RASL12: variants seen among roughly 807,000 people sequenced by gnomAD.
RASL12 encodes the protein ras-like protein family member 12.
RASL12 carries 16 observed loss-of-function variants against 22.9 expected under a neutral mutation model. The observed-to-expected ratio is 0.70, with a 90% CI of 0.47 to 1.06. RASL12 has a LOEUF of 1.06. RASL12 is among the 50% of genes least tolerant of loss of function. The pLI is 0.00. For synonymous variants in RASL12, 159 were observed against 152.2 expected, an observed-to-expected ratio of 1.04 and a Z score of -0.33; for missense variants, 306 against 353.1, an observed-to-expected ratio of 0.87 and a Z score of 1.07.
intron 2 of RASL12, among the ~76,000 whole-genome samples, chr15:65,064,986 CCTCT>C (rs879676499): frequency 2.0e-5 from 3 of 152,144 alleles, no homozygotes; most frequent in Non-Finnish European, 2.9e-5. Flanking sequence ...GGTAAATCAG[CCTCT>C]CTTAGTTCTG....
In RASL12 at chr15:65,053,519, T is replaced by C; in HGVS notation, c.*1380A>G. ...CCTGTAGGACTGCAAGCATGTGGTC[T>C]TGAGTAGTTCACAGCCCCCCTCTGA... On this transcript the variant is annotated 3_prime_UTR_variant, in exon 5 of 5. Transcript: ENST00000220062. 2 of 1,060,036 alleles carry C rather than the reference T, an allele frequency of 1.9e-6. No individual in the cohort carries two copies. Among genetic ancestry groups the C allele is most frequent in the Non-Finnish European group, 2.3e-6 (2 of 877,248 alleles). 65.7% of individuals were successfully genotyped at this position (1,060,036 alleles called of 1,614,324 possible). A position where few individuals can be genotyped will look rare whatever the true frequency, so the allele number is the denominator to read the frequency against.
downstream of RASL12, chr15:65,052,815 T>C (rs1239774254): frequency 1.5e-6 from 1 of 662,724 alleles, no homozygotes; most frequent in African/African-American, 1.8e-5. Context: ...ATTTCTCTGT[T>C]GAAGGAATAT....
At chr15:65,058,289 A>C (rs1176883805) in intron 4 of RASL12, 138 bp downstream of exon 4, 2 of 681,060 alleles carry the variant, frequency 2.9e-6, no homozygotes, top group African/African-American at 1.9e-5. Context: ...CACACACACA[A>C]ACAAACATAT....
chr15:65,071,481 GC>G (rs1421732737), upstream of RASL12, among the ~76,000 whole-genome samples: 1 of 152,152 alleles, frequency 6.6e-6, no homozygotes, highest in Admixed American at 6.5e-5. Flanking sequence ...GGCCTTGGGG[GC>G]GGGACCAAAG....
chr15:65,062,902 C>T (rs1431949734), intron 2 of RASL12, among the ~76,000 whole-genome samples: 1 of 152,230 alleles, frequency 6.6e-6, no homozygotes, highest in Non-Finnish European at 1.5e-5. Flanking sequence ...TGGCACTGGC[C>T]TCCCAGAGAG....
chr15:65,059,528 G>A lies in RASL12; in HGVS notation c.161-110C>T. ...CTGGGGGGACCTTAGCAGCTGCTCT[G>A]GGGCTGGGACCACTGGAAAGTCCTT... On this transcript the variant is annotated intron_variant, in intron 2 of 4. Transcript: ENST00000220062. 9 of 811,446 alleles carry A rather than the reference G, an allele frequency of 1.1e-5. No homozygotes were observed. In the South Asian group the frequency reaches 1.3e-4, roughly 12 times the overall value. 50.3% of individuals were successfully genotyped at this position (811,446 alleles called of 1,614,324 possible).
downstream of RASL12, among the ~76,000 whole-genome samples, chr15:65,052,356 G>C (rs1009852119): frequency 6.6e-6 from 1 of 150,706 alleles, no homozygotes; most frequent in Non-Finnish European, 1.5e-5. Context: ...GGATTCAAGA[G>C]TCAGGAGGCT....
At chr15:65,060,705 T>C (rs1018032028) in intron 2 of RASL12, among the ~76,000 whole-genome samples, 26 of 152,334 alleles carry the variant, frequency 1.7e-4, no homozygotes, top group African/African-American at 5.8e-4. Context: ...AGTCACCTTT[T>C]GGCAGAACTG....
At chr15:65,045,926 G>C in the RASL12 span, among the ~76,000 whole-genome samples, 1 of 152,224 alleles carries the variant, frequency 6.6e-6, no homozygotes. Flanking sequence ...AGCACTTTTG[G>C]AGGCCGAGGC....
downstream of RASL12, chr15:65,051,625 G>A (rs1252837086): frequency 6.2e-7 from 1 of 1,610,654 alleles, no homozygotes; most frequent in Non-Finnish European, 8.5e-7. Flanking sequence ...TGGTCCTGGG[G>A]GGATGGGGTG....
At chr15:65,068,998 G>T (rs139923206), upstream of RASL12, among the ~76,000 whole-genome samples, 1 of 152,176 alleles carries the variant, frequency 6.6e-6, no homozygotes, top group Non-Finnish European at 1.5e-5. The surrounding 1 kb of genome is among the most constrained non-coding windows in gnomAD (Gnocchi z 4.2). Context: ...TCTGGAGTAC[G>T]CTCCAGGTTA....
chr15:65,052,885 G>T (rs768132734), downstream of RASL12: 14 of 1,336,734 alleles, frequency 1.0e-5, no homozygotes, highest in East Asian at 2.3e-5. Context: ...TTTCCCCTTA[G>T]ACTCTTTAAG....
chr15:65,070,935 G>C (rs137920098), upstream of RASL12, among the ~76,000 whole-genome samples: 2 of 152,172 alleles, frequency 1.3e-5, no homozygotes, highest in African/African-American at 2.4e-5. Context: ...GGTGGCACCA[G>C]CATCAGAGCC....
chr15:65,053,432 TAC>T lies in RASL12; in HGVS notation c.*1465_*1466del. ...CAGATGGCAGTGGTACACACACACATACACACACAAGTGGCCTGGAGCAAAAG... is the reference window on the plus strand; with the variant it reads ...CAGATGGCAGTGGTACACACACACATACACACAAGTGGCCTGGAGCAAAAG... On this transcript the variant is annotated 3_prime_UTR_variant, in exon 5 of 5. Coordinates refer to ENST00000220062, the MANE Select transcript of RASL12 (RefSeq NM_016563.4). 1 of 1,250,918 alleles carries T rather than the reference TAC, an allele frequency of 8.0e-7. No individual in the cohort carries two copies. Among genetic ancestry groups the T allele is most frequent in the South Asian group, 1.9e-5 (1 of 52,370 alleles). The allele number at this position is 1,250,918 out of a possible 1,614,324, so 77.5% of individuals were successfully genotyped here. A position where few individuals can be genotyped will look rare whatever the true frequency, so the allele number is the denominator to read the frequency against.
In RASL12 at chr15:65,054,271, C is replaced by A. The variant is rs1042872278; in HGVS notation, c.*628G>T. On this transcript the variant is annotated 3_prime_UTR_variant, in exon 5 of 5. Coordinates refer to ENST00000220062, the MANE Select transcript of RASL12 (RefSeq NM_016563.4). Reference sequence around the variant, plus strand: ...ACAACCTACAGTCCCTCCCTTTTATCCTCATTGAGACGCCAAGTGTTGGAA... The same window carrying A: ...ACAACCTACAGTCCCTCCCTTTTATACTCATTGAGACGCCAAGTGTTGGAA... 16 of 985,948 alleles carry A rather than the reference C, an allele frequency of 1.6e-5. No homozygotes were observed. In the African/African-American group the frequency reaches 2.8e-4, roughly 17 times the overall value. 61.1% of individuals were successfully genotyped at this position (985,948 alleles called of 1,614,324 possible).
intron 2 of RASL12, among the ~76,000 whole-genome samples, chr15:65,064,973 T>A (rs1053664878): frequency 6.6e-6 from 1 of 152,236 alleles, no homozygotes; most frequent in Admixed American, 6.5e-5. Context: ...CCTCATATTT[T>A]AGGGTAAATC....
chr15:65,072,929 G>T (rs1478177287), upstream of RASL12, among the ~76,000 whole-genome samples: 1 of 152,124 alleles, frequency 6.6e-6, no homozygotes, highest in African/African-American at 2.4e-5. Flanking sequence ...TTGAGGTCAA[G>T]AGTTCAAGAC....
chr15:65,073,329 G>A (rs2086944322), intron 1 of RASL12, among the ~76,000 whole-genome samples: 1 of 152,196 alleles, frequency 6.6e-6, no homozygotes, highest in South Asian at 2.1e-4. Flanking sequence ...ATCCATGGGT[G>A]TCCTGAGCTT....
chr15:65,057,690 G>C (rs1289509524), intron 4 of RASL12, among the ~76,000 whole-genome samples: 2 of 152,156 alleles, frequency 1.3e-5, no homozygotes, highest in Admixed American at 6.5e-5. Flanking sequence ...GTCTGGGTGA[G>C]GTGAGAGCCG....
Sources: gnomAD v4.1 joint callset for allele counts (sites outside exome capture counted in the v4.1 genomes callset) on GRCh38, gnomAD v4.1.1 for gene constraint, Gnocchi (gnomAD v3.1) non-coding constraint, MANE v1.5 for transcripts, NCBI Gene and HGNC (gene_info 2026-07-23, HGNC 2026-07-21) for gene names.